TXLNB: variants seen among roughly 807,000 people sequenced by gnomAD.
TXLNB encodes the protein beta-taxilin.
A neutral mutation model predicts 57.4 loss-of-function variants in TXLNB; 37 were observed. That is an observed-to-expected ratio of 0.64 (90% CI 0.50 to 0.85). TXLNB has a LOEUF of 0.85. TXLNB is among the 40% of genes least tolerant of loss of function. The pLI is 0.00. For missense variants in TXLNB, 848 were observed against 825.6 expected (o/e 1.03, Z -0.33); for synonymous variants, 302 against 309.6 (o/e 0.98, Z 0.26).
At chr6:139,181,475 A>G in the TXLNB span, among the ~76,000 whole-genome samples, 3 of 152,334 alleles carry the variant, frequency 2.0e-5, no homozygotes, top group South Asian at 6.2e-4. Context: ...CACGCCTATT[A>G]GTCACTTAGG....
chr6:139,170,173 T>A, the TXLNB span: 2 of 152,218 alleles, frequency 1.3e-5, no homozygotes, highest in African/African-American at 4.8e-5. Context: ...GAAACATTTT[T>A]TATGAAGATG....
chr6:139,292,150 G>A (rs1207304959), upstream of TXLNB: 1 of 152,996 alleles, frequency 6.5e-6, no homozygotes, highest in Non-Finnish European at 1.5e-5. The surrounding 1 kb of genome is among the most constrained non-coding windows in gnomAD (Gnocchi z 4.0). Context: ...GAGGAGGTGG[G>A]GGTAGGGAAA....
the TXLNB span, chr6:139,179,560 A>G: frequency 2.6e-5 from 4 of 152,248 alleles, no homozygotes; most frequent in South Asian, 2.1e-4. Flanking sequence ...AGAGAAAAGC[A>G]TAAGAGCATG....
chr6:139,245,543 A>C (rs1014813500), intron 8 of TXLNB: 3 of 152,108 alleles, frequency 2.0e-5, no homozygotes, highest in Non-Finnish European at 4.4e-5. Context: ...ATAGCTGGGC[A>C]CTCGCTGCTT....
chr6:139,212,246 CA>C, the TXLNB span, among the ~76,000 whole-genome samples: 1 of 152,172 alleles, frequency 6.6e-6, no homozygotes, highest in Non-Finnish European at 1.5e-5. Flanking sequence ...GGGTTACCCA[CA>C]AAGGGAAGCC....
the TXLNB span, among the ~76,000 whole-genome samples, chr6:139,222,268 C>G: frequency 6.6e-6 from 1 of 152,010 alleles, no homozygotes; most frequent in Non-Finnish European, 1.5e-5. Context: ...GAGAAAGATA[C>G]AGCATGAAAA....
intron 6 of TXLNB, among the ~76,000 whole-genome samples, chr6:139,256,067 G>T (rs1337090583): frequency 6.6e-6 from 1 of 152,080 alleles, no homozygotes; most frequent in Non-Finnish European, 1.5e-5. Flanking sequence ...GGGCAATAGA[G>T]TGAGACTCCA....
At chr6:139,323,368 C>G in the TXLNB span, among the ~76,000 whole-genome samples, 1 of 151,456 alleles carries the variant, frequency 6.6e-6, no homozygotes, top group Non-Finnish European at 1.5e-5. Context: ...CTGCAATCTC[C>G]GCCTCCCGAG....
the TXLNB span, among the ~76,000 whole-genome samples, chr6:139,201,242 T>G: frequency 3.3e-4 from 51 of 152,324 alleles, no homozygotes; most frequent in African/African-American, 1.2e-3. Context: ...TGGAGGCCAG[T>G]GTTTTGGACT....
chr6:139,204,564 C>T, the TXLNB span, among the ~76,000 whole-genome samples: 3 of 152,154 alleles, frequency 2.0e-5, no homozygotes, highest in Non-Finnish European at 4.4e-5. Context: ...TTTGAGTGGG[C>T]ATGAACTCCC....
the TXLNB span, among the ~76,000 whole-genome samples, chr6:139,227,293 C>T: frequency 1.3e-5 from 2 of 149,630 alleles, no homozygotes; most frequent in African/African-American, 2.4e-5. Flanking sequence ...GAGCCAAAAT[C>T]ACACCACTGC....
At chr6:139,306,690 G>GCTGATTTTCCTGATTTCCTGATTTTC in the TXLNB span, among the ~76,000 whole-genome samples, 1 of 152,108 alleles carries the variant, frequency 6.6e-6, no homozygotes, top group Non-Finnish European at 1.5e-5. Context: ...TGATTTTCCT[G>GCTGATTTTCCTGATTTCCTGATTTTC]CTACAGTTCA....
At chr6:139,165,452 A>G in the TXLNB span, among the ~76,000 whole-genome samples, 1 of 152,054 alleles carries the variant, frequency 6.6e-6, no homozygotes, top group East Asian at 1.9e-4. Context: ...CCCTTTTGGT[A>G]TTGTACATCC....
chr6:139,246,179 C>A (rs1021428561), intron 8 of TXLNB, among the ~76,000 whole-genome samples: 1 of 152,060 alleles, frequency 6.6e-6, no homozygotes, highest in Non-Finnish European at 1.5e-5. Context: ...AATATTTATT[C>A]CACTCTTAAA....
chr6:139,225,425 C>G, the TXLNB span, among the ~76,000 whole-genome samples: 20 of 152,094 alleles, frequency 1.3e-4, no homozygotes, highest in African/African-American at 4.8e-4. Context: ...TTTAGAATAT[C>G]CAAAAACATC....
chr6:139,256,212 C>T (rs1776334014), intron 6 of TXLNB, among the ~76,000 whole-genome samples: 1 of 152,176 alleles, frequency 6.6e-6, no homozygotes, highest in East Asian at 1.9e-4. Flanking sequence ...AATTCAACTT[C>T]CCACCACATT....
At chr6:139,250,353 CTTTCT>C (rs1264020976) in intron 7 of TXLNB, among the ~76,000 whole-genome samples, 16 of 134,032 alleles carry the variant, frequency 1.2e-4, no homozygotes, top group Non-Finnish European at 2.2e-4. Context: ...TTCTTTCTTT[CTTTCT>C]TTTTTTTTTT....
At chr6:139,214,259 A>G in the TXLNB span, among the ~76,000 whole-genome samples, 10 of 152,208 alleles carry the variant, frequency 6.6e-5, no homozygotes, top group African/African-American at 2.4e-4. Context: ...ATCCAGCAAC[A>G]CATCAAAAAG....
the TXLNB span, among the ~76,000 whole-genome samples, chr6:139,161,670 A>G: frequency 1.1e-3 from 165 of 152,378 alleles, 3 homozygotes; most frequent in East Asian, 0.031. Context: ...TCAAAGAAAT[A>G]TCAAGTCAGT....
Sources: allele counts gnomAD v4.1 joint callset (sites outside exome capture counted in the v4.1 genomes callset), GRCh38; gene constraint gnomAD v4.1.1; non-coding constraint Gnocchi (gnomAD v3.1); transcripts MANE v1.5; gene names NCBI Gene and HGNC (gene_info 2026-07-23, HGNC 2026-07-21).